The following HTR1F variants were observed in gnomAD, a reference collection of about 807,000 sequenced individuals.
The protein encoded by HTR1F is 5-hydroxytryptamine (serotonin) receptor 1F, G protein-coupled.
A neutral mutation model predicts 24.0 loss-of-function variants in HTR1F; 17 were observed. That is an observed-to-expected ratio of 0.71 (90% CI 0.48 to 1.06). The LOEUF is 1.06. Among genes scored for constraint, HTR1F ranks in the 50% least tolerant of loss-of-function variants. HTR1F has a pLI of 0.00. For missense variants in HTR1F, 391 were observed against 427.8 expected (o/e 0.91, Z 0.76); for synonymous variants, 186 against 156.8 (o/e 1.19, Z -1.39).
chr3:87,987,658 A>ATATGTATTATATATATATTTTATATATAT (rs1559660057), intron 2 of HTR1F, among the ~76,000 whole-genome samples: 7 of 94,518 alleles, frequency 7.4e-5, no homozygotes, highest in African/African-American at 1.8e-4. Flanking sequence ...ATATATATAT[A>ATATGTATTATATATATATTTTATATATAT]AAAATATATG....
chr3:87,954,898 C>T (rs72915660), intron 2 of HTR1F, among the ~76,000 whole-genome samples: 1,633 of 151,458 alleles, frequency 0.011, 31 homozygotes, highest in African/African-American at 0.038. Flanking sequence ...CGTTCAACAT[C>T]GCAAGTAGTG....
At chr3:87,827,246 C>G (rs371542779) in intron 2 of HTR1F, among the ~76,000 whole-genome samples, 1 of 151,966 alleles carries the variant, frequency 6.6e-6, no homozygotes, top group South Asian at 2.1e-4. Flanking sequence ...GTTTCCTCCC[C>G]TCTCCCCGCA....
Position 87,933,429 on chromosome 3 carries a change from C to T in HTR1F, c.-42-57279C>T, listed in dbSNP as rs141299760. On this transcript the variant is annotated intron_variant, in intron 2 of 2. Coordinates refer to ENST00000319595, the MANE Select transcript of HTR1F (RefSeq NM_001322209.2). ...AAGTCAAATCGTCCCTCTTTGCAGA[C>T]GACATGATTGTATATCTAGAAAACC... Among the ~76,000 whole-genome samples the T allele has an allele frequency of 4.6e-3, 694 of 152,208 alleles. 1 individual carries two copies. The highest frequency in any genetic ancestry group is 0.016 in the African/African-American group (666 of 41,540).
intron 2 of HTR1F, among the ~76,000 whole-genome samples, chr3:87,913,059 A>C (rs1362718095): frequency 6.6e-6 from 1 of 152,168 alleles, no homozygotes; most frequent in Admixed American, 6.6e-5. Context: ...ACCTCAAAAC[A>C]ACTGCAACAA....
At chr3:87,798,544 C>T (rs1216567039) in intron 1 of HTR1F, among the ~76,000 whole-genome samples, 1 of 152,012 alleles carries the variant, frequency 6.6e-6, no homozygotes, top group Non-Finnish European at 1.5e-5. Context: ...CCCCCCTCCA[C>T]CCGCCGTAGC....
chr3:87,990,444 G>T (rs1033279891), intron 2 of HTR1F, among the ~76,000 whole-genome samples: 1 of 152,100 alleles, frequency 6.6e-6, no homozygotes, highest in Non-Finnish European at 1.5e-5. Flanking sequence ...ATTTCACTGA[G>T]TAACAAGCTA....
rs554389464 is a variant in HTR1F at position 87,882,323 on chromosome 3, G to T, written c.-43+60199G>T. Among the ~76,000 whole-genome samples, 4 of 152,254 alleles carry T rather than the reference G, an allele frequency of 2.6e-5. No homozygotes were observed. The East Asian group carries it at 7.7e-4, about 29-fold the overall frequency. On this transcript the variant is annotated intron_variant, in intron 2 of 2. Coordinates refer to ENST00000319595, the MANE Select transcript of HTR1F (RefSeq NM_001322209.2). Reference sequence around the variant, plus strand: ...GTGATTCCTCAGGGATCTAGAACAAGAAATACCATTTGACCCAGCCATCCC... The same window carrying T: ...GTGATTCCTCAGGGATCTAGAACAATAAATACCATTTGACCCAGCCATCCC...
chr3:87,850,082 G>A (rs573943651), intron 2 of HTR1F, among the ~76,000 whole-genome samples: 2,128 of 151,752 alleles, frequency 0.014, 59 homozygotes, highest in African/African-American at 0.043. Context: ...TAGAAATACC[G>A]TTTGACCCAG....
At chr3:87,883,366 A>G (rs1400391384) in intron 2 of HTR1F, among the ~76,000 whole-genome samples, 2 of 152,190 alleles carry the variant, frequency 1.3e-5, no homozygotes, top group African/African-American at 4.8e-5. Flanking sequence ...AGATGGGGAG[A>G]AACCAGAGCA....
At chr3:87,925,664 T>C (rs1704108759) in intron 2 of HTR1F, among the ~76,000 whole-genome samples, 1 of 151,940 alleles carries the variant, frequency 6.6e-6, no homozygotes, top group South Asian at 2.1e-4. Context: ...CCTGCATGGG[T>C]TTCTTCTTTG....
chr3:87,848,835 C>T (rs1705010117), intron 2 of HTR1F, among the ~76,000 whole-genome samples: 1 of 151,636 alleles, frequency 6.6e-6, no homozygotes, highest in Admixed American at 6.6e-5. Context: ...AGAGCCAAAT[C>T]ATGAGTGAAC....
chr3:87,882,066 T>C (rs1705816480), intron 2 of HTR1F, among the ~76,000 whole-genome samples: 1 of 152,126 alleles, frequency 6.6e-6, no homozygotes, highest in African/African-American at 2.4e-5. Context: ...AACAGACACT[T>C]CTCAAAAGAG....
chr3:87,904,359 T>C (rs1703610062), intron 2 of HTR1F, among the ~76,000 whole-genome samples: 1 of 152,140 alleles, frequency 6.6e-6, no homozygotes, highest in South Asian at 2.1e-4. Context: ...TTAAGCAATT[T>C]CATTGCTTTC....
intron 2 of HTR1F, among the ~76,000 whole-genome samples, chr3:87,956,159 T>C (rs1202190739): frequency 6.6e-6 from 1 of 151,404 alleles, no homozygotes; most frequent in East Asian, 1.9e-4. Flanking sequence ...TCCAGTGTTG[T>C]ATGTTTTATT....
At chr3:87,810,563 A>G (rs1284898451) in intron 1 of HTR1F, among the ~76,000 whole-genome samples, 2 of 152,140 alleles carry the variant, frequency 1.3e-5, no homozygotes, top group Non-Finnish European at 2.9e-5. Context: ...CTAGATAGAT[A>G]GCTTTTTTGA....
intron 1 of HTR1F, among the ~76,000 whole-genome samples, chr3:87,811,698 C>T (rs759422215): frequency 6.6e-6 from 1 of 152,084 alleles, no homozygotes; most frequent in Non-Finnish European, 1.5e-5. Context: ...CCAACATGAT[C>T]AATTTCAAGC....
At chr3:87,925,262 T>C (rs1452331994) in intron 2 of HTR1F, among the ~76,000 whole-genome samples, 1 of 152,122 alleles carries the variant, frequency 6.6e-6, no homozygotes. Context: ...TGGCAGATGC[T>C]GGGCAGAACA....
At chr3:87,813,278 G>T (rs1274187549) in intron 1 of HTR1F, among the ~76,000 whole-genome samples, 2 of 152,218 alleles carry the variant, frequency 1.3e-5, no homozygotes, top group Non-Finnish European at 2.9e-5. Flanking sequence ...GGAGTCAAAA[G>T]ACATTATTTT....
chr3:87,991,905 G>A lies in HTR1F; in HGVS notation c.*55G>A. ...GGGTTTTTGAGGGGAGGAATAACTA[G>A]ATGAATGCCAAATAATAAAACACTT... On this transcript the variant is annotated 3_prime_UTR_variant, in exon 3 of 3. Transcript: ENST00000319595. 18 of 1,412,690 alleles carry A rather than the reference G, an allele frequency of 1.3e-5. No individual in the cohort carries two copies. The South Asian group carries it at 2.7e-4, about 21-fold the overall frequency. The allele number at this position is 1,412,690 out of a possible 1,614,324, so 87.5% of individuals were successfully genotyped here.
Sources: gnomAD v4.1 joint callset for allele counts (sites outside exome capture counted in the v4.1 genomes callset) on GRCh38, gnomAD v4.1.1 for gene constraint, MANE v1.5 for transcripts, NCBI Gene and HGNC (gene_info 2026-07-23, HGNC 2026-07-21) for gene names.